The following MANSC1 variants were observed in gnomAD, a reference collection of about 807,000 sequenced individuals.
MANSC1 encodes MANSC domain-containing protein 1.
MANSC1 carries 13 observed loss-of-function variants against 14.1 expected under a neutral mutation model. That is an observed-to-expected ratio of 0.92 (90% CI 0.60 to 1.46). The LOEUF (loss-of-function observed/expected upper bound fraction) is 1.46, where lower values mean the gene tolerates loss of function less well. MANSC1 is among the 40% of genes most tolerant of loss of function. The pLI, the probability that MANSC1 is intolerant of heterozygous loss-of-function variation, is 0.00. For synonymous variants in MANSC1, 227 were observed against 200.7 expected, an observed-to-expected ratio of 1.13 and a Z score of -1.11; for missense variants, 486 against 511.4, an observed-to-expected ratio of 0.95 and a Z score of 0.48.
At chr12:12,348,644 C>G (rs1863038041) in intron 1 of MANSC1, among the ~76,000 whole-genome samples, 1 of 150,382 alleles carries the variant, frequency 6.6e-6, no homozygotes, top group African/African-American at 2.5e-5. Flanking sequence ...CTGTCAAAAC[C>G]CATAGAAATG....
intron 3 of MANSC1, among the ~76,000 whole-genome samples, chr12:12,335,169 C>T (rs1862841083): frequency 6.6e-6 from 1 of 152,092 alleles, no homozygotes; most frequent in Non-Finnish European, 1.5e-5. Flanking sequence ...CCTGTCAACT[C>T]TACTTCGGAA....
intron 3 of MANSC1, among the ~76,000 whole-genome samples, chr12:12,336,721 T>C (rs1010734663): frequency 4.6e-5 from 7 of 151,938 alleles, no homozygotes; most frequent in Admixed American, 1.3e-4. Flanking sequence ...GGATATGAGG[T>C]CTCATCATGT....
At chr12:12,337,165 T>G (rs1467794041) in intron 3 of MANSC1, among the ~76,000 whole-genome samples, 1 of 151,360 alleles carries the variant, frequency 6.6e-6, no homozygotes, top group African/African-American at 2.4e-5. Flanking sequence ...TAACCCCAGC[T>G]ACTTGGGAGG....
chr12:12,331,741 G>A (rs1300361576), intron 3 of MANSC1, among the ~76,000 whole-genome samples: 1 of 152,076 alleles, frequency 6.6e-6, no homozygotes, highest in Non-Finnish European at 1.5e-5. Flanking sequence ...GCAGGGTCTG[G>A]TCTCCGCTCT....
At chr12:12,333,387 A>C (rs1862818349) in intron 3 of MANSC1, among the ~76,000 whole-genome samples, 1 of 152,216 alleles carries the variant, frequency 6.6e-6, no homozygotes, top group Non-Finnish European at 1.5e-5. Context: ...AGACTGTTTA[A>C]GTAAACACTC....
At position 12,343,178 on chromosome 12, in the gene MANSC1, G is replaced by A; in HGVS notation, c.137C>T (p.Ser46Phe). Residue 46 changes from serine (S) to phenylalanine (F), a missense_variant, in exon 2 of 4, where the codon TCT (serine) becomes TTT (phenylalanine). Coordinates refer to ENST00000535902, the MANE Select transcript of MANSC1 (RefSeq NM_018050.4). The stretch of plus-strand genomic sequence containing the variant: ...GGGCTCATTGCCTCTGATTCCCTTA[G>A]AAAGAGATGACTGGATGTCAATGAC... ...DVVIDIQSSLSKGIRGNEPVY... is the reference protein window; with the variant it reads ...DVVIDIQSSLFKGIRGNEPVY... 2 of 1,613,900 alleles carry A rather than the reference G, an allele frequency of 1.2e-6. No homozygotes were observed. The highest frequency in any genetic ancestry group is 1.7e-6 in the Non-Finnish European group (2 of 1,179,768).
rs35684053 is a variant in MANSC1 at position 12,328,984 on chromosome 12, TCACACACACACACACACA to T, written c.*1025_*1042del. On this transcript the variant is annotated 3_prime_UTR_variant, in exon 4 of 4. Transcript: ENST00000535902. ...GCCTGGGTGACAGAGCAAGACTCTG[TCACACACACACACACACA>T]CACACACACACACACACACACACAA... The T allele has an allele frequency of 3.0e-5, 4 of 131,726 alleles. No homozygotes were observed. The highest frequency in any genetic ancestry group is 8.6e-5 in the African/African-American group (3 of 35,046). 8.2% of individuals were successfully genotyped at this position (131,726 alleles called of 1,614,324 possible). A position where few individuals can be genotyped will look rare whatever the true frequency, so the allele number is the denominator to read the frequency against.
chr12:12,330,016 G>A lies in MANSC1; in HGVS notation c.*11C>T, dbSNP rs200151391. The A allele has an allele frequency of 7.9e-5, 127 of 1,605,852 alleles. No individual in the cohort carries two copies. In the African/African-American group the frequency reaches 1.3e-3, roughly 16 times the overall value. On this transcript the variant is annotated 3_prime_UTR_variant, in exon 4 of 4. Transcript: ENST00000535902. Reference sequence around the variant, plus strand: ...GTTACTAAATGAATTAAGAGACACCGAGTTCCATCCTTAGATGTCCACATA... The same window carrying A: ...GTTACTAAATGAATTAAGAGACACCAAGTTCCATCCTTAGATGTCCACATA...
chr12:12,346,878 A>C (rs1488149991), intron 1 of MANSC1, among the ~76,000 whole-genome samples: 1 of 152,198 alleles, frequency 6.6e-6, no homozygotes, highest in Non-Finnish European at 1.5e-5. Flanking sequence ...GTTGGACTTC[A>C]TTAAATTTAA....
At chr12:12,346,903 C>A (rs1863016126) in intron 1 of MANSC1, among the ~76,000 whole-genome samples, 1 of 150,164 alleles carries the variant, frequency 6.7e-6, no homozygotes. Flanking sequence ...TTCTGCTCTA[C>A]AAAAGATACC....
rs147279934 is a variant in MANSC1, at chr12:12,338,478, G to A, written c.306C>T (p.Asn102=). ...QPNCYLFFCP[N]EEACPLKPAK... Reference sequence around the variant, plus strand: ...CTGGTTTCAATGGACAGGCTTCCTCGTTGGGACAGAAAAATAGGTAGCAGT... The same window carrying A: ...CTGGTTTCAATGGACAGGCTTCCTCATTGGGACAGAAAAATAGGTAGCAGT... The change falls in exon 3 of 4, where the codon AAC becomes AAT. Residue 102 remains asparagine (N), a synonymous_variant. Transcript: ENST00000535902. 19 of 1,613,228 alleles carry A rather than the reference G, an allele frequency of 1.2e-5. No homozygotes were observed. The Admixed American group carries it at 2.5e-4, about 21-fold the overall frequency.
intron 3 of MANSC1, among the ~76,000 whole-genome samples, chr12:12,334,639 T>C (rs764604619): frequency 1.3e-5 from 2 of 152,198 alleles, no homozygotes; most frequent in African/African-American, 2.4e-5. Flanking sequence ...ACACTCGCCC[T>C]AAAAAGATTT....
chr12:12,330,954 A>G lies in MANSC1; in HGVS notation c.369T>C (p.Phe123=). 1.3e-6 allele frequency: 2 copies of G among 1,563,470 alleles called. No homozygotes were observed. The highest frequency in any genetic ancestry group is 1.7e-6 in the Non-Finnish European group (2 of 1,154,596). The change falls in exon 4 of 4, where the codon TTT becomes TTC. Residue 123 remains phenylalanine (F), a synonymous_variant. Transcript: ENST00000535902. ...GLMSYRIITD[F]PSLTRNLPSQ... is the part of the protein sequence containing the mutation. ...TTGGCAAATTTCTGGTCAAAGATGG[A>G]AAATCTGAAAATGTATGGAAAATAA...
chr12:12,333,150 A>G (rs144679328), intron 3 of MANSC1, among the ~76,000 whole-genome samples: 15,084 of 151,888 alleles, frequency 0.099, 770 homozygotes, highest in Non-Finnish European at 0.11. Flanking sequence ...GGGTTCAAGC[A>G]ATCCTCCCAC....
At position 12,330,667 on chromosome 12, in the gene MANSC1, A is replaced by G; in HGVS notation, c.656T>C (p.Leu219Pro). 1 of 1,614,242 alleles carries G rather than the reference A, an allele frequency of 6.2e-7. No homozygotes were observed. Among genetic ancestry groups the G allele is most frequent in the Non-Finnish European group, 8.5e-7 (1 of 1,180,042 alleles). ...TGGGAGCGCACTCACATTTTCAGGC[A>G]GCAGATGAGCTATTTCTTGATCAGA... ...FSSDQEIAHL[L>P]PENVSALPAT... The change falls in exon 4 of 4, where the codon CTG (leucine) becomes CCG (proline). Residue 219 changes from leucine (L) to proline (P), a missense_variant. By Grantham distance (98) the Leu-to-Pro change is moderately conservative. Coordinates refer to ENST00000535902, the MANE Select transcript of MANSC1 (RefSeq NM_018050.4).
Position 12,343,132 on chromosome 12 carries a change from T to G in MANSC1, c.183A>C (p.Glu61Asp). 1 of 1,614,084 alleles carries G rather than the reference T, an allele frequency of 6.2e-7. No individual in the cohort carries two copies. Among genetic ancestry groups the G allele is most frequent in the South Asian group, 1.1e-5 (1 of 91,080 alleles). The part of the protein sequence containing the change: ...GNEPVYTSTQ[E>D]DCINSCCSTK... ...TTGAACAGCAAGAATTAATGCAGTC[T>G]TCTTGAGTTGAAGTATATACGGGCT... Residue 61 changes from glutamate (E) to aspartate (D), a missense_variant, in exon 2 of 4, where the codon GAA becomes GAC. Transcript: ENST00000535902.
In MANSC1 at chr12:12,330,373, A is replaced by T; in HGVS notation, c.950T>A (p.Leu317Ter). Residue 317 changes from leucine to a stop codon, truncating the protein, a stop_gained, in exon 4 of 4, where the codon TTA (leucine) becomes TAA (stop). Transcript: ENST00000535902. LOFTEE classifies it low-confidence loss of function (END_TRUNC). Reference protein sequence around the residue: ...FQAPTDSKGSLETIPFTEISN... With the variant: ...FQAPTDSKGS Reference sequence around the variant, plus strand: ...GATTTCTGTAAACGGTATGGTTTCTAAGCTGCCTTTCGAGTCCGTAGGTGC... The same window carrying T: ...GATTTCTGTAAACGGTATGGTTTCTTAGCTGCCTTTCGAGTCCGTAGGTGC... 1 of 1,614,196 alleles carries T rather than the reference A, an allele frequency of 6.2e-7. No individual in the cohort carries two copies. Among genetic ancestry groups the T allele is most frequent in the Non-Finnish European group, 8.5e-7 (1 of 1,180,032 alleles).
intron 3 of MANSC1, among the ~76,000 whole-genome samples, chr12:12,337,557 T>A (rs1421354608): frequency 6.6e-6 from 1 of 152,102 alleles, no homozygotes. Flanking sequence ...TGAGACTCCA[T>A]CTCGGAAAAA....
intron 1 of MANSC1, among the ~76,000 whole-genome samples, chr12:12,348,546 A>G (rs2136000272): frequency 6.6e-6 from 1 of 152,316 alleles, no homozygotes; most frequent in East Asian, 1.9e-4. Flanking sequence ...CAGGAGTGGG[A>G]GGATGAATCG....
Sources: gnomAD v4.1 joint callset for allele counts (sites outside exome capture counted in the v4.1 genomes callset) on GRCh38, gnomAD v4.1.1 for gene constraint, MANE v1.5 for transcripts, NCBI Gene and HGNC (gene_info 2026-07-23, HGNC 2026-07-21) for gene names.